STEAP1B: variants seen among roughly 807,000 people sequenced by gnomAD.
STEAP1B encodes the protein STEAP family protein MGC87042.
STEAP1B carries 13 observed loss-of-function variants against 27.9 expected under a neutral mutation model. That is an observed-to-expected ratio of 0.47 (90% confidence interval 0.30 to 0.74). STEAP1B has a LOEUF of 0.74. STEAP1B is among the 30% of genes least tolerant of loss of function. The pLI is 0.06. For synonymous variants in STEAP1B, 86 were observed against 107.1 expected (o/e 0.80, Z 1.22); for missense variants, 250 against 298.7 (o/e 0.84, Z 1.20).
chr7:22,438,445 T>C, intron 4 of STEAP1B: 2 of 1,523,548 alleles, frequency 1.3e-6, no homozygotes, highest in Non-Finnish European at 8.8e-7. Context: ...TGCAAGTATG[T>C]AAGATGTATG....
intron 4 of STEAP1B, among the ~76,000 whole-genome samples, chr7:22,442,437 C>G (rs528787861): frequency 2.4e-4 from 36 of 152,256 alleles, no homozygotes; most frequent in Non-Finnish European, 4.3e-4. Context: ...TGGCTAAAAC[C>G]AGGATGTTGT....
At chr7:22,430,197 C>A (rs145493835) in intron 4 of STEAP1B, among the ~76,000 whole-genome samples, 6 of 152,096 alleles carry the variant, frequency 3.9e-5, no homozygotes, top group Non-Finnish European at 8.8e-5. Flanking sequence ...TAACTAAAAC[C>A]CTTCTTATTG....
intron 4 of STEAP1B, among the ~76,000 whole-genome samples, chr7:22,459,666 A>C (rs1015068092): frequency 6.6e-6 from 1 of 152,146 alleles, no homozygotes; most frequent in Non-Finnish European, 1.5e-5. Flanking sequence ...TCTGTATCTC[A>C]CTTGCCAGTA....
At chr7:22,463,035 G>C (rs1785707594) in intron 4 of STEAP1B, among the ~76,000 whole-genome samples, 2 of 152,218 alleles carry the variant, frequency 1.3e-5, no homozygotes, top group African/African-American at 2.4e-5. Flanking sequence ...GTCTTCTTTT[G>C]AGAAGTGTCT....
chr7:22,465,461 A>G (rs375999342), intron 4 of STEAP1B, among the ~76,000 whole-genome samples: 2 of 152,084 alleles, frequency 1.3e-5, no homozygotes, highest in African/African-American at 4.8e-5. Flanking sequence ...CAACACTCTT[A>G]TCTTTTAGAT....
rs917427673 is a variant in STEAP1B at position 22,419,840 on chromosome 7, G to A, written c.763-4C>T. 23 of 1,549,590 alleles carry A rather than the reference G, an allele frequency of 1.5e-5. No homozygotes were observed. The African/African-American group carries it at 2.9e-4, about 19-fold the overall frequency. On this transcript the variant is annotated splice_region_variant and splice_polypyrimidine_tract_variant and intron_variant, in intron 4 of 4. Coordinates refer to ENST00000678116, the MANE Select transcript of STEAP1B (RefSeq NM_001382447.1). The stretch of plus-strand genomic sequence containing the variant: ...GGAAGTTGATCCTACCATGTACCTG[G>A]AAGGCAGACAGCAAGAAAGAGTTGA...
intron 4 of STEAP1B, among the ~76,000 whole-genome samples, chr7:22,478,716 G>A (rs1786016067): frequency 6.6e-6 from 1 of 152,190 alleles, no homozygotes; most frequent in Admixed American, 6.5e-5. Flanking sequence ...TGCAGTAATG[G>A]AGACGTTCTC....
At chr7:22,494,170 A>T (rs1308293165) in intron 2 of STEAP1B, among the ~76,000 whole-genome samples, 1 of 147,426 alleles carries the variant, frequency 6.8e-6, no homozygotes, top group African/African-American at 2.5e-5. Context: ...TTAAATAAAT[A>T]ATTTCTGCTA....
rs1001515344 is a variant in STEAP1B at position 22,472,328 on chromosome 7, G to A, written c.762+20237C>T. On this transcript the variant is annotated intron_variant, in intron 4 of 4. Coordinates refer to ENST00000678116, the MANE Select transcript of STEAP1B (RefSeq NM_001382447.1). ...CCACCAGCCTCCCGAGTCTGCACTT[G>A]TGCCTTAATCCCAGAGCCCCACAGA... is the stretch of plus-strand genomic sequence containing the variant. Among the ~76,000 whole-genome samples, 63 of 152,298 alleles carry A rather than the reference G, an allele frequency of 4.1e-4. 1 individual carries two copies. The highest frequency in any genetic ancestry group is 6.2e-4 in the South Asian group (3 of 4,828).
chr7:22,426,388 T>G (rs1785107664), intron 4 of STEAP1B, among the ~76,000 whole-genome samples: 2 of 152,168 alleles, frequency 1.3e-5, no homozygotes, highest in Non-Finnish European at 2.9e-5. Context: ...TTTAAAATGT[T>G]AAAGGCAAGG....
intron 4 of STEAP1B, among the ~76,000 whole-genome samples, chr7:22,462,052 T>C (rs545850883): frequency 5.3e-4 from 80 of 152,284 alleles, no homozygotes; most frequent in Admixed American, 2.3e-3. Flanking sequence ...AGCTAAGCTG[T>C]TGCCTTTCTC....
chr7:22,464,347 A>C (rs902401773), intron 4 of STEAP1B, among the ~76,000 whole-genome samples: 1 of 152,172 alleles, frequency 6.6e-6, no homozygotes, highest in African/African-American at 2.4e-5. Context: ...CTGTCTGGAC[A>C]GCTGTTCGGG....
At chr7:22,479,679 CTTTTTT>C (rs569050091) in intron 4 of STEAP1B, among the ~76,000 whole-genome samples, 16 of 92,116 alleles carry the variant, frequency 1.7e-4, no homozygotes, top group East Asian at 1.2e-3. Context: ...TCATGTGTGG[CTTTTTT>C]TTTTTTTTTT....
chr7:22,447,169 T>C (rs1785420908), intron 4 of STEAP1B, among the ~76,000 whole-genome samples: 1 of 152,184 alleles, frequency 6.6e-6, no homozygotes, highest in African/African-American at 2.4e-5. Flanking sequence ...AGAGTCACTT[T>C]CTCTTCTGGG....
chr7:22,467,575 G>A (rs1259278643), intron 4 of STEAP1B, among the ~76,000 whole-genome samples: 1 of 152,112 alleles, frequency 6.6e-6, no homozygotes, highest in East Asian at 1.9e-4. Context: ...GAATTTTGGG[G>A]GCGATTCCCC....
At chr7:22,433,064 T>C (rs946942323) in intron 4 of STEAP1B, among the ~76,000 whole-genome samples, 8 of 150,862 alleles carry the variant, frequency 5.3e-5, no homozygotes, top group East Asian at 1.9e-4. Flanking sequence ...AAATGAAAAA[T>C]AGAAAAACAC....
In STEAP1B at chr7:22,481,773, C is replaced by T. The variant is rs561894821; in HGVS notation, c.762+10792G>A. Among the ~76,000 whole-genome samples, 3 of 152,336 alleles carry T rather than the reference C, an allele frequency of 2.0e-5. No homozygotes were observed. In the South Asian group the frequency reaches 6.2e-4, roughly 32 times the overall value. The stretch of plus-strand genomic sequence containing the variant: ...ATTGCAGGTGCTCCCCAGATGAACA[C>T]AGTCACGTAAAGCCAGAGGATTGTG... On this transcript the variant is annotated intron_variant, in intron 4 of 4. Transcript: ENST00000678116.
At chr7:22,457,045 T>A (rs1785600097) in intron 4 of STEAP1B, among the ~76,000 whole-genome samples, 1 of 147,704 alleles carries the variant, frequency 6.8e-6, no homozygotes. Flanking sequence ...TCTACAGCAA[T>A]GTGAAGCTGG....
Position 22,420,387 on chromosome 7 carries a change from T to C in STEAP1B, c.763-551A>G, listed in dbSNP as rs1403236617. ...ATCCATGGTGTTCTCCCTTGGATTG[T>C]TGAAGTTTCCACCCAATAGTATCCC... On this transcript the variant is annotated intron_variant, in intron 4 of 4. Coordinates refer to ENST00000678116, the MANE Select transcript of STEAP1B (RefSeq NM_001382447.1). 2.0e-5 allele frequency among the ~76,000 whole-genome samples: 3 copies of C among 152,204 alleles called. No individual in the cohort carries two copies. The East Asian group carries it at 5.8e-4, about 29-fold the overall frequency.
Sources: allele counts gnomAD v4.1 joint callset (sites outside exome capture counted in the v4.1 genomes callset), GRCh38; gene constraint gnomAD v4.1.1; transcripts MANE v1.5; gene names NCBI Gene and HGNC (gene_info 2026-07-23, HGNC 2026-07-21).